CELF4: variants seen among roughly 807,000 people sequenced by gnomAD.
CELF4 encodes CUGBP Elav-like family member 4, also known as CUG-BP- and ETR-3-like factor 4.
A neutral mutation model predicts 59.9 loss-of-function variants in CELF4; 18 were observed. The observed-to-expected ratio is 0.30, with a 90% confidence interval of 0.21 to 0.45. The LOEUF is 0.45. Among genes scored for constraint, CELF4 ranks in the 20% least tolerant of loss-of-function variants. CELF4 has a pLI of 1.00. For synonymous variants in CELF4, 261 were observed against 267.1 expected (o/e 0.98, Z 0.22); for missense variants, 456 against 689.0 (o/e 0.66, Z 3.79).
At chr18:37,399,491 G>A (rs1400982752) in intron 2 of CELF4, among the ~76,000 whole-genome samples, 2 of 152,138 alleles carry the variant, frequency 1.3e-5, no homozygotes, top group Non-Finnish European at 2.9e-5. Flanking sequence ...CCCACTCTCA[G>A]GTATTCTGTT....
intron 2 of CELF4, among the ~76,000 whole-genome samples, chr18:37,445,341 G>A (rs1424769222): frequency 6.6e-6 from 1 of 151,990 alleles, no homozygotes; most frequent in African/African-American, 2.4e-5. Flanking sequence ...CAGAAATGGA[G>A]CCTGGAAGGG....
At chr18:37,423,188 C>T (rs1225767503) in intron 2 of CELF4, among the ~76,000 whole-genome samples, 2 of 152,174 alleles carry the variant, frequency 1.3e-5, no homozygotes, top group Non-Finnish European at 2.9e-5. Flanking sequence ...ATGCCTAATG[C>T]AGTGCTGAGT....
At chr18:37,362,437 G>T (rs903372043) in intron 2 of CELF4, among the ~76,000 whole-genome samples, 4 of 152,188 alleles carry the variant, frequency 2.6e-5, no homozygotes, top group African/African-American at 9.6e-5. Context: ...GTTAGCTCCA[G>T]GCATGGGGCT....
chr18:37,440,660 C>T (rs1002387441), intron 2 of CELF4, among the ~76,000 whole-genome samples: 3 of 152,174 alleles, frequency 2.0e-5, no homozygotes, highest in African/African-American at 7.2e-5. Context: ...CTAACTGTAT[C>T]CTGTGGGGCA....
chr18:37,453,039 C>T (rs1175901688), intron 2 of CELF4, among the ~76,000 whole-genome samples: 1 of 152,252 alleles, frequency 6.6e-6, no homozygotes, highest in Non-Finnish European at 1.5e-5. Context: ...CCCCCAGCTG[C>T]CCCTCACACA....
chr18:37,454,562 T>C (rs2099772919), intron 2 of CELF4, among the ~76,000 whole-genome samples: 3 of 152,162 alleles, frequency 2.0e-5, no homozygotes, highest in African/African-American at 7.2e-5. Flanking sequence ...CACCCACAGC[T>C]TTGTTCACAC....
At chr18:37,442,781 A>C (rs9966621) in intron 2 of CELF4, among the ~76,000 whole-genome samples, 40,214 of 152,118 alleles carry the variant, frequency 0.26, 5,797 homozygotes, top group East Asian at 0.45. Flanking sequence ...GGGAATGAAC[A>C]AGACGTCTTA....
intron 2 of CELF4, among the ~76,000 whole-genome samples, chr18:37,414,392 C>A (rs537668699): frequency 6.6e-6 from 1 of 152,120 alleles, no homozygotes; most frequent in Non-Finnish European, 1.5e-5. Context: ...TTTCACCCAC[C>A]CATTCACTCA....
At chr18:37,508,480 G>A (rs73947291) in intron 1 of CELF4, among the ~76,000 whole-genome samples, 2,935 of 152,322 alleles carry the variant, frequency 0.019, 95 homozygotes, top group African/African-American at 0.066. Flanking sequence ...GGTCTTTTGC[G>A]GAGTGGGGGT....
chr18:37,468,130 C>G (rs920381474), intron 2 of CELF4, among the ~76,000 whole-genome samples: 4 of 152,196 alleles, frequency 2.6e-5, no homozygotes, highest in Non-Finnish European at 4.4e-5. Flanking sequence ...GAGCTCCATG[C>G]TAGTTGAAAA....
chr18:37,556,468 C>T (rs903464051), intron 1 of CELF4, among the ~76,000 whole-genome samples: 3 of 152,134 alleles, frequency 2.0e-5, no homozygotes, highest in African/African-American at 4.8e-5. Flanking sequence ...GAGATGTGGC[C>T]CTTTAACTTT....
chr18:37,497,172 C>T (rs181795325), intron 1 of CELF4, among the ~76,000 whole-genome samples: 2 of 152,200 alleles, frequency 1.3e-5, no homozygotes, highest in Admixed American at 1.3e-4. Context: ...CCCACAGAGC[C>T]CACCAAGAGA....
At chr18:37,295,907 G>A (rs1268514944) in intron 3 of CELF4, among the ~76,000 whole-genome samples, 1 of 152,214 alleles carries the variant, frequency 6.6e-6, no homozygotes, top group Non-Finnish European at 1.5e-5. Flanking sequence ...TGTCACTTGT[G>A]TGGGTCTTCG....
intron 3 of CELF4, among the ~76,000 whole-genome samples, chr18:37,311,058 C>A (rs1027468581): frequency 6.6e-6 from 1 of 152,154 alleles, no homozygotes; most frequent in Non-Finnish European, 1.5e-5. Flanking sequence ...ATTAATATCC[C>A]ATTTCCCCTG....
chr18:37,392,643 A>C (rs1217598729), intron 2 of CELF4, among the ~76,000 whole-genome samples: 1 of 152,236 alleles, frequency 6.6e-6, no homozygotes, highest in Non-Finnish European at 1.5e-5. Context: ...TCCCTAGCAG[A>C]CCATTTAATT....
intron 1 of CELF4, among the ~76,000 whole-genome samples, chr18:37,490,324 T>A (rs571426187): frequency 1.3e-5 from 2 of 152,304 alleles, no homozygotes; most frequent in East Asian, 3.9e-4. Flanking sequence ...TTTGTTTTGT[T>A]TGACACATTT....
At chr18:37,488,096 G>A (rs1026030531) in intron 1 of CELF4, among the ~76,000 whole-genome samples, 1 of 152,028 alleles carries the variant, frequency 6.6e-6, no homozygotes, top group Non-Finnish European at 1.5e-5. Flanking sequence ...TTCCCAGAAC[G>A]GCACCCCCAC....
intron 2 of CELF4, among the ~76,000 whole-genome samples, chr18:37,330,950 C>T (rs559291693): frequency 1.1e-4 from 16 of 152,286 alleles, no homozygotes; most frequent in Non-Finnish European, 5.9e-5. Flanking sequence ...ACAGAAGAAC[C>T]GGAGGTTATT....
At chr18:37,413,849 A>G (rs1278952303) in intron 2 of CELF4, among the ~76,000 whole-genome samples, 2 of 152,198 alleles carry the variant, frequency 1.3e-5, no homozygotes, top group Non-Finnish European at 2.9e-5. Flanking sequence ...CTGGAGACCC[A>G]GGATCTTGCC....
Sources: allele counts gnomAD v4.1 joint callset (sites outside exome capture counted in the v4.1 genomes callset), GRCh38; gene constraint gnomAD v4.1.1; transcripts MANE v1.5; gene names NCBI Gene and HGNC (gene_info 2026-07-23, HGNC 2026-07-21).